The following PSMB3 variants were observed in gnomAD, a reference collection of about 807,000 sequenced individuals.
PSMB3 encodes the protein proteasome subunit beta type-3.
PSMB3 carries 5 observed loss-of-function variants against 23.3 expected under a neutral mutation model. The observed-to-expected ratio is 0.21, with a 90% CI of 0.11 to 0.45. The LOEUF (loss-of-function observed/expected upper bound fraction) is 0.45, where lower values mean the gene tolerates loss of function less well. Among genes scored for constraint, PSMB3 ranks in the 20% least tolerant of loss-of-function variants. The pLI is 0.99. For missense variants in PSMB3, 192 were observed against 277.9 expected (o/e 0.69, Z 2.20); for synonymous variants, 85 against 99.8 (o/e 0.85, Z 0.88).
chr17:38,756,183 G>A (rs1392495175), intron 3 of PSMB3, among the ~76,000 whole-genome samples, 193 bp downstream of exon 3: 1 of 152,198 alleles, frequency 6.6e-6, no homozygotes, highest in African/African-American at 2.4e-5. Flanking sequence ...GTTGGAAGAA[G>A]GCAAGGAATG....
At chr17:38,761,772 T>C (rs1908452371) in intron 4 of PSMB3, among the ~76,000 whole-genome samples, 1 of 152,176 alleles carries the variant, frequency 6.6e-6, no homozygotes, top group Admixed American at 6.5e-5. Context: ...TCCTCTGCCA[T>C]AGGAACCTAG....
rs1369581628 is a variant in PSMB3 at position 38,762,529 on chromosome 17, T to C, written c.569+24T>C. On this transcript the variant is annotated intron_variant, in intron 5 of 5. Transcript: ENST00000619426. Reference sequence around the variant, plus strand: ...ATGTGAGTATGGGCTGGGAGAAGTCTAGAAGCTCTGCAGACACCCTGCCTC... The same window carrying C: ...ATGTGAGTATGGGCTGGGAGAAGTCCAGAAGCTCTGCAGACACCCTGCCTC... The C allele has an allele frequency of 1.9e-6, 3 of 1,598,630 alleles. No individual in the cohort carries two copies. The East Asian group carries it at 6.7e-5, about 36-fold the overall frequency.
intron 5 of PSMB3, among the ~76,000 whole-genome samples, chr17:38,763,736 C>T (rs1908555146): frequency 6.6e-6 from 1 of 151,926 alleles, no homozygotes; most frequent in South Asian, 2.1e-4. Flanking sequence ...CTCCTGACCT[C>T]GTGATCCGCC....
intron 4 of PSMB3, 186 bp from the exon 5 acceptor site, chr17:38,762,225 C>T (rs915697564): frequency 1.7e-6 from 1 of 575,132 alleles, no homozygotes; most frequent in Non-Finnish European, 3.1e-6. Flanking sequence ...CTTTCCTTTA[C>T]ATAATTCTGC....
Position 38,755,957 on chromosome 17 carries a change from T to C in PSMB3, c.263T>C (p.Met88Thr), listed in dbSNP as rs746570366. Reference protein sequence around the residue: ...EGRQIKPYTLMSMVANLLYEK... With the variant: ...EGRQIKPYTLTSMVANLLYEK... ...CGGCAGATCAAACCTTATACCCTCATGAGCATGGTGGCCAACCTCTTGTAT... is the reference window on the plus strand; with the variant it reads ...CGGCAGATCAAACCTTATACCCTCACGAGCATGGTGGCCAACCTCTTGTAT... The change falls in exon 3 of 6, where the codon ATG becomes ACG. Residue 88 changes from methionine (M) to threonine (T), a missense_variant. Coordinates refer to ENST00000619426, the MANE Select transcript of PSMB3 (RefSeq NM_002795.4). The C allele has an allele frequency of 2.5e-6, 4 of 1,614,104 alleles. No individual in the cohort carries two copies. Among genetic ancestry groups the C allele is most frequent in the Admixed American group, 1.7e-5 (1 of 60,008 alleles).
chr17:38,755,871 C>A lies in PSMB3; in HGVS notation c.189-12C>A. On this transcript the variant is annotated splice_polypyrimidine_tract_variant and intron_variant, in intron 2 of 5. Transcript: ENST00000619426. ...AATAATGACTTACTAACTCACTTTT[C>A]TCCTACCTCAGTGCCCAGCGCCTCA... The A allele has an allele frequency of 6.2e-7, 1 of 1,610,988 alleles. No homozygotes were observed. Among genetic ancestry groups the A allele is most frequent in the East Asian group, 2.2e-5 (1 of 44,854 alleles).
chr17:38,756,007 C>A lies in PSMB3; in HGVS notation c.296+17C>A. The A allele has an allele frequency of 6.3e-7, 1 of 1,577,336 alleles. No individual in the cohort carries two copies. Among genetic ancestry groups the A allele is most frequent in the Non-Finnish European group, 8.7e-7 (1 of 1,146,528 alleles). On this transcript the variant is annotated intron_variant, in intron 3 of 5. Transcript: ENST00000619426. The stretch of plus-strand genomic sequence containing the variant: ...TGAGAAACGGTGAGTGCAAGTGTAG[C>A]TAGCACTGAGGGAATGCAGACATCT...
chr17:38,755,474 T>TGC (rs1908121817), intron 2 of PSMB3: 2 of 151,614 alleles, frequency 1.3e-5, no homozygotes, highest in Admixed American at 1.3e-4. Flanking sequence ...TGAAACCCCA[T>TGC]CTCTACTAAA....
chr17:38,759,722 T>C (rs1908355189), intron 3 of PSMB3, among the ~76,000 whole-genome samples: 1 of 151,978 alleles, frequency 6.6e-6, no homozygotes. Context: ...TTTTTTTTTG[T>C]ATATTTAGTA....
chr17:38,763,893 C>T (rs968752105), intron 5 of PSMB3, among the ~76,000 whole-genome samples: 3 of 152,184 alleles, frequency 2.0e-5, no homozygotes, highest in African/African-American at 4.8e-5. Flanking sequence ...TGTGGAAAGT[C>T]GGCCCAGGTC....
At chr17:38,761,709 T>C (rs1364921652) in intron 4 of PSMB3, among the ~76,000 whole-genome samples, 3 of 152,170 alleles carry the variant, frequency 2.0e-5, no homozygotes, top group Non-Finnish European at 2.9e-5. Flanking sequence ...TGCTGGAGAC[T>C]GAGATGAGAC....
intron 2 of PSMB3, 101 bp from the exon 3 acceptor site, chr17:38,755,782 G>T: frequency 1.0e-6 from 1 of 985,278 alleles, no homozygotes; most frequent in South Asian, 1.5e-5. Flanking sequence ...CCTGGGCAGG[G>T]ACTGAGATGA....
rs550111589 is a variant in PSMB3 at position 38,760,490 on chromosome 17, C to A, written c.356C>A (p.Pro119His). Reference protein sequence around the residue: ...IAGLDPKTFKPFICSLDLIGC... With the variant: ...IAGLDPKTFKHFICSLDLIGC... ...GGGTTGGACCCGAAGACCTTTAAGC[C>A]CTTCATTTGCTCTCTAGACCTCATC... Residue 119 changes from proline to histidine, a missense_variant, in exon 4 of 6, where the codon CCC becomes CAC. By Grantham distance (77) the Pro-to-His change is moderately conservative. Transcript: ENST00000619426. The A allele has an allele frequency of 6.2e-7, 1 of 1,614,256 alleles. No homozygotes were observed. Among genetic ancestry groups the A allele is most frequent in the African/African-American group, 1.3e-5 (1 of 75,062 alleles).
At chr17:38,762,882 T>G (rs147491021) in intron 5 of PSMB3, among the ~76,000 whole-genome samples, 49 of 152,314 alleles carry the variant, frequency 3.2e-4, no homozygotes, top group African/African-American at 1.2e-3. Context: ...TTCTGAGCTC[T>G]AGAGACCAAT....
intron 5 of PSMB3, 114 bp from the exon 6 acceptor site, chr17:38,764,001 ATTTG>A: frequency 2.6e-6 from 3 of 1,154,908 alleles, no homozygotes; most frequent in Non-Finnish European, 2.6e-6. Flanking sequence ...GCGGGCAGCT[ATTTG>A]TTCTGCTCCC....
At position 38,764,057 on chromosome 17, in the gene PSMB3, GC is replaced by G. The variant is rs935704055; in HGVS notation, c.570-61del. 8 of 1,600,876 alleles carry G rather than the reference GC, an allele frequency of 5.0e-6. No individual in the cohort carries two copies. The Middle Eastern group carries it at 1.1e-3, about 214-fold the overall frequency. ...GGGCTTGGTGCTGAGGGCCAGGAGA[GC>G]TAGTCACAGTCACGGTCCAGATGGG... is the stretch of plus-strand genomic sequence containing the variant. On this transcript the variant is annotated intron_variant, in intron 5 of 5. Coordinates refer to ENST00000619426, the MANE Select transcript of PSMB3 (RefSeq NM_002795.4).
rs1368136549 is a variant in PSMB3 at position 38,753,299 on chromosome 17, C to T, written c.153C>T (p.Ile51=). The change falls in exon 2 of 6, where the codon ATC becomes ATT. Residue 51 remains isoleucine (I), a synonymous_variant. Coordinates refer to ENST00000619426, the MANE Select transcript of PSMB3 (RefSeq NM_002795.4). Reference sequence around the variant, plus strand: ...TTCCCATGGGTGACCGGCTGTACATCGGTCTGGCCGGGCTCGCCACTGACG... The same window carrying T: ...TTCCCATGGGTGACCGGCTGTACATTGGTCTGGCCGGGCTCGCCACTGACG... ...KIFPMGDRLY[I]GLAGLATDVQ... 1.2e-6 allele frequency: 2 copies of T among 1,613,948 alleles called. No homozygotes were observed. The highest frequency in any genetic ancestry group is 1.3e-5 in the African/African-American group (1 of 74,902).
intron 1 of PSMB3, 146 bp from the exon 2 acceptor site, chr17:38,753,004 A>AT: frequency 1.6e-6 from 2 of 1,236,810 alleles, no homozygotes; most frequent in Non-Finnish European, 2.2e-6. Flanking sequence ...GCCGCCACAC[A>AT]GTGCTCATCC....
Position 38,760,462 on chromosome 17 carries a change from G to A in PSMB3, c.328G>A (p.Ala110Thr). ...CCCTTACTACACTGAGCCAGTCATT[G>A]CCGGGTTGGACCCGAAGACCTTTAA... ...FGPYYTEPVI[A>T]GLDPKTFKPF... The change falls in exon 4 of 6, where the codon GCC becomes ACC. Residue 110 changes from alanine to threonine, a missense_variant. Transcript: ENST00000619426. The A allele has an allele frequency of 6.2e-7, 1 of 1,614,236 alleles. No homozygotes were observed. Among genetic ancestry groups the A allele is most frequent in the Non-Finnish European group, 8.5e-7 (1 of 1,180,050 alleles).
Sources: allele counts gnomAD v4.1 joint callset (sites outside exome capture counted in the v4.1 genomes callset), GRCh38; gene constraint gnomAD v4.1.1; transcripts MANE v1.5; gene names NCBI Gene and HGNC (gene_info 2026-07-23, HGNC 2026-07-21).